Variants in GALP observed in about 807,000 individuals in gnomAD.
The protein encoded by GALP is galanin like peptide.
In GALP, 12 loss-of-function variants were observed where a neutral mutation model predicts 15.2. That is an observed-to-expected ratio of 0.79 (90% confidence interval 0.51 to 1.28). The LOEUF (loss-of-function observed/expected upper bound fraction) is 1.28. GALP is among the 50% of genes most tolerant of loss of function. The pLI, the probability that GALP is intolerant of heterozygous loss-of-function variation, is 0.00. For synonymous variants in GALP, 58 were observed against 55.1 expected (o/e 1.05, Z -0.23); for missense variants, 161 against 145.6 (o/e 1.11, Z -0.55).
rs2032637450 is a variant in GALP at position 56,185,308 on chromosome 19, C to T, written c.*38C>T. The T allele has an allele frequency of 1.5e-6, 2 of 1,297,438 alleles. No individual in the cohort carries two copies. The highest frequency in any genetic ancestry group is 2.9e-5 in the African/African-American group (2 of 67,986). 80.4% of individuals were successfully genotyped at this position (1,297,438 alleles called of 1,614,324 possible). A position where few individuals can be genotyped will look rare whatever the true frequency, so the allele number is the denominator to read the frequency against. On this transcript the variant is annotated 3_prime_UTR_variant, in exon 6 of 6. Transcript: ENST00000357330. ...CCCTGTTCCTATCCTTCTTCTCCAG[C>T]TCCTCCTGCTCCCTCTGAAACCTTT...
At position 56,185,314 on chromosome 19, in the gene GALP, C is replaced by A; in HGVS notation, c.*44C>A. 8.0e-7 allele frequency: 1 copy of A among 1,244,066 alleles called. No individual in the cohort carries two copies. The highest frequency in any genetic ancestry group is 1.2e-6 in the Non-Finnish European group (1 of 858,526). The allele number at this position is 1,244,066 out of a possible 1,614,324, so 77.1% of individuals were successfully genotyped here. A position where few individuals can be genotyped will look rare whatever the true frequency, so the allele number is the denominator to read the frequency against. On this transcript the variant is annotated 3_prime_UTR_variant, in exon 6 of 6. Transcript: ENST00000357330. ...TCCTATCCTTCTTCTCCAGCTCCTCCTGCTCCCTCTGAAACCTTTTCTAGG... is the reference window on the plus strand; with the variant it reads ...TCCTATCCTTCTTCTCCAGCTCCTCATGCTCCCTCTGAAACCTTTTCTAGG...
At chr19:56,180,216 A>G (rs2032539620) in intron 2 of GALP, among the ~76,000 whole-genome samples, 1 of 152,164 alleles carries the variant, frequency 6.6e-6, no homozygotes, top group African/African-American at 2.4e-5. Flanking sequence ...CAGGCTTAAC[A>G]TATCTTTAAA....
At chr19:56,183,255 G>A in intron 5 of GALP, 43 bp downstream of exon 5, 1 of 1,493,584 alleles carries the variant, frequency 6.7e-7, no homozygotes, top group South Asian at 1.1e-5. Context: ...ACAGGAGAGG[G>A]GGAACAAGGA....
At chr19:56,180,915 CTTTTTTT>C (rs1174325788) in intron 3 of GALP, among the ~76,000 whole-genome samples, 5 of 40,144 alleles carry the variant, frequency 1.2e-4, no homozygotes, top group African/African-American at 4.4e-4. Flanking sequence ...TTCTTTCTTT[CTTTTTTT>C]TTTTTTTTTT....
intron 5 of GALP, among the ~76,000 whole-genome samples, chr19:56,183,678 A>G (rs547234307): frequency 1.1e-4 from 17 of 151,878 alleles, no homozygotes; most frequent in Admixed American, 2.6e-4. Flanking sequence ...GCTGACTGCA[A>G]CCTCCACCTT....
At chr19:56,181,461 T>C (rs1568578589) in intron 3 of GALP, among the ~76,000 whole-genome samples, 1 of 137,990 alleles carries the variant, frequency 7.2e-6, no homozygotes, top group African/African-American at 2.8e-5. Flanking sequence ...TGGAGTGCAG[T>C]GGCGCCAATC....
intron 2 of GALP, among the ~76,000 whole-genome samples, chr19:56,178,521 C>CAAAAAAAAAAAAAAAAAAA (rs80223966): frequency 5.8e-5 from 5 of 85,774 alleles, no homozygotes; most frequent in African/African-American, 8.8e-5. Flanking sequence ...ACAACAACAA[C>CAAAAAAAAAAAAAAAAAAA]AAAAAAAAAA....
rs370841186 is a variant in GALP, at chr19:56,177,093, T to A, written c.-16T>A. The A allele has an allele frequency of 4.5e-5, 72 of 1,605,396 alleles. No individual in the cohort carries two copies. The highest frequency in any genetic ancestry group is 5.8e-5 in the Non-Finnish European group (68 of 1,174,266). ...AGCGTGTTCCGCAGCTGTAGGCACC[T>A]GTCGTCCTGCCTTCGATGGCTCCTC... On this transcript the variant is annotated 5_prime_UTR_variant, in exon 2 of 6. Coordinates refer to ENST00000357330, the MANE Select transcript of GALP (RefSeq NM_033106.4).
At chr19:56,180,988 G>C (rs568815018) in intron 3 of GALP, among the ~76,000 whole-genome samples, 1 of 139,588 alleles carries the variant, frequency 7.2e-6, no homozygotes, top group East Asian at 2.3e-4. Context: ...TGAATGGTGC[G>C]ATCTCAGCTC....
Position 56,183,127 on chromosome 19 carries a change from G to A in GALP, c.218-8G>A, listed in dbSNP as rs780838797. 1 of 1,602,334 alleles carries A rather than the reference G, an allele frequency of 6.2e-7. No homozygotes were observed. ...ACGTGTGTGTGAATGTTGTATTTTT[G>A]TTTCTAGACGGGCTCCCCTACTCCC... On this transcript the variant is annotated splice_polypyrimidine_tract_variant and splice_region_variant and intron_variant, in intron 4 of 5. Coordinates refer to ENST00000357330, the MANE Select transcript of GALP (RefSeq NM_033106.4).
chr19:56,180,723 A>T, intron 3 of GALP, 89 bp downstream of exon 3: 3 of 981,380 alleles, frequency 3.1e-6, no homozygotes, highest in Non-Finnish European at 4.9e-6. Flanking sequence ...AAAGACCCTC[A>T]CCCACATTCA....
Position 56,177,526 on chromosome 19 carries a change from A to G in GALP, c.87+331A>G, listed in dbSNP as rs80141371. Reference sequence around the variant, plus strand: ...ACTCCATCTCAAAAAAAAAAAAAAAAAAGAAGAAATGGGGTTTCACCATGT... The same window carrying G: ...ACTCCATCTCAAAAAAAAAAAAAAAGAAGAAGAAATGGGGTTTCACCATGT... On this transcript the variant is annotated intron_variant, in intron 2 of 5. Coordinates refer to ENST00000357330, the MANE Select transcript of GALP (RefSeq NM_033106.4). Among the ~76,000 whole-genome samples, 948 of 146,498 alleles carry G rather than the reference A, an allele frequency of 6.5e-3. 15 individuals carry two copies. Among genetic ancestry groups the G allele is most frequent in the African/African-American group, 0.02 (785 of 39,312 alleles).
chr19:56,177,521 A>AAG (rs1300482087), intron 2 of GALP, among the ~76,000 whole-genome samples: 1 of 142,406 alleles, frequency 7.0e-6, no homozygotes, highest in Non-Finnish European at 1.5e-5. Context: ...AAAAAAAAAA[A>AAG]AAAAAAAGAA....
At chr19:56,178,521 CAA>C (rs80223966) in intron 2 of GALP, among the ~76,000 whole-genome samples, 48 of 85,764 alleles carry the variant, frequency 5.6e-4, no homozygotes, top group South Asian at 1.5e-3. Context: ...ACAACAACAA[CAA>C]AAAAAAAAAA....
In GALP at chr19:56,185,165, G is replaced by A. The variant is rs771252043; in HGVS notation, c.296-50G>A. On this transcript the variant is annotated intron_variant, in intron 5 of 5. Coordinates refer to ENST00000357330, the MANE Select transcript of GALP (RefSeq NM_033106.4). ...AACATACAAAAATTAGCTGGGTGGGGAGTGATAGTGAGAAAAACCATTCAA... is the reference window on the plus strand; with the variant it reads ...AACATACAAAAATTAGCTGGGTGGGAAGTGATAGTGAGAAAAACCATTCAA... 1.4e-5 allele frequency: 16 copies of A among 1,167,338 alleles called. No homozygotes were observed. In the African/African-American group the frequency reaches 2.1e-4, roughly 15 times the overall value. 72.3% of individuals were successfully genotyped at this position (1,167,338 alleles called of 1,614,324 possible). A position where few individuals can be genotyped will look rare whatever the true frequency, so the allele number is the denominator to read the frequency against.
rs1251373574 is a variant in GALP, at chr19:56,185,166, A to G, written c.296-49A>G. The G allele has an allele frequency of 2.6e-6, 3 of 1,174,570 alleles. No homozygotes were observed. The South Asian group carries it at 3.7e-5, about 14-fold the overall frequency. The allele number at this position is 1,174,570 out of a possible 1,614,324, so 72.8% of individuals were successfully genotyped here. On this transcript the variant is annotated intron_variant, in intron 5 of 5. Transcript: ENST00000357330. ...ACATACAAAAATTAGCTGGGTGGGG[A>G]GTGATAGTGAGAAAAACCATTCAAA...
chr19:56,182,344 C>T, intron 4 of GALP, 92 bp downstream of exon 4: 1 of 879,024 alleles, frequency 1.1e-6, no homozygotes, highest in Admixed American at 2.1e-5. Context: ...AGCTCCAGCC[C>T]TCACCCTGCC....
At chr19:56,180,350 A>T (rs2032542688) in intron 2 of GALP, among the ~76,000 whole-genome samples, 2 of 152,036 alleles carry the variant, frequency 1.3e-5, no homozygotes, top group Admixed American at 1.3e-4. Context: ...CCTTCCCCCC[A>T]GCCCCCAATA....
At chr19:56,184,007 G>T (rs35814643) in intron 5 of GALP, among the ~76,000 whole-genome samples, 1 of 151,058 alleles carries the variant, frequency 6.6e-6, no homozygotes, top group Non-Finnish European at 1.5e-5. Flanking sequence ...CCAGGCTGGC[G>T]TGAAGTGGTG....
Sources: allele counts gnomAD v4.1 joint callset (sites outside exome capture counted in the v4.1 genomes callset), GRCh38; gene constraint gnomAD v4.1.1; transcripts MANE v1.5; gene names NCBI Gene and HGNC (gene_info 2026-07-23, HGNC 2026-07-21).